THSD7B: variants seen among roughly 807,000 people sequenced by gnomAD.
THSD7B encodes the protein thrombospondin type 1 domain containing 7B, also known as thrombospondin type-1 domain-containing protein 7B.
In THSD7B, 138 loss-of-function variants were observed where a neutral mutation model predicts 213.6. The observed-to-expected ratio is 0.65, with a 90% CI of 0.56 to 0.74. The LOEUF is 0.74. THSD7B is among the 30% of genes least tolerant of loss of function. The probability of loss-of-function intolerance (pLI) is 0.00; values close to 1 mark genes in which losing one functional copy is unlikely to be tolerated. For missense variants in THSD7B, 1,931 were observed against 1,991.5 expected, an observed-to-expected ratio of 0.97 and a Z score of 0.58; for synonymous variants, 742 against 687.0, an observed-to-expected ratio of 1.08 and a Z score of -1.25.
rs752852228 is a variant in THSD7B at position 137,095,074 on chromosome 2, G to T, written c.1152G>T (p.Glu384Asp). The change falls in exon 4 of 28, where the codon GAG becomes GAT. Residue 384 changes from glutamate to aspartate, a missense_variant. Physicochemically the swap from Glu to Asp is conservative, Grantham distance 45. Coordinates refer to ENST00000409968, the MANE Select transcript of THSD7B (RefSeq NM_001316349.2). Reference protein sequence around the residue: ...GGGKECPELLEKEACIVEGEL... With the variant: ...GGGKECPELLDKEACIVEGEL... ...GAAAGGAGTGTCCTGAACTTCTTGA[G>T]AAAGAGGCCTGCATTGTTGAAGGAG... 1.2e-6 allele frequency: 2 copies of T among 1,613,870 alleles called. No individual in the cohort carries two copies. The highest frequency in any genetic ancestry group is 3.3e-5 in the Admixed American group (2 of 59,952).
chr2:137,326,886 G>A (rs986589031), intron 12 of THSD7B, among the ~76,000 whole-genome samples: 5 of 152,192 alleles, frequency 3.3e-5, no homozygotes, highest in Admixed American at 1.3e-4. Flanking sequence ...TGCAGTTGCA[G>A]TTTCAAACAC....
rs550340001 is a variant in THSD7B, at chr2:137,214,829, A to G, written c.1724-16215A>G. On this transcript the variant is annotated intron_variant, in intron 7 of 27. Transcript: ENST00000409968. ...GTGCCACATTTTCTTTATCCAGTCT[A>G]TCGCTGATGGGCATTTGGGTTGGTT... 3.3e-5 allele frequency among the ~76,000 whole-genome samples: 5 copies of G among 152,224 alleles called. No homozygotes were observed. The East Asian group carries it at 7.7e-4, about 24-fold the overall frequency.
chr2:137,522,293 GAC>G (rs1218142043), intron 15 of THSD7B, among the ~76,000 whole-genome samples: 1 of 152,156 alleles, frequency 6.6e-6, no homozygotes, highest in Non-Finnish European at 1.5e-5. Flanking sequence ...AGCTGTAAAA[GAC>G]AAGTTTAATT....
chr2:137,211,923 C>T (rs545520632), intron 7 of THSD7B, among the ~76,000 whole-genome samples: 1 of 151,942 alleles, frequency 6.6e-6, no homozygotes, highest in South Asian at 2.1e-4. Flanking sequence ...GAATCTGTAC[C>T]AGATATATCT....
intron 27 of THSD7B, among the ~76,000 whole-genome samples, chr2:137,674,193 A>G (rs1683644525): frequency 6.6e-6 from 1 of 152,084 alleles, no homozygotes; most frequent in Non-Finnish European, 1.5e-5. Flanking sequence ...GGATTGTCTA[A>G]TTTCTCCTTG....
chr2:136,942,774 T>G (rs1291109198), intron 2 of THSD7B, among the ~76,000 whole-genome samples: 11 of 152,218 alleles, frequency 7.2e-5, no homozygotes, highest in Non-Finnish European at 1.5e-4. Context: ...GTTTTCTAAA[T>G]GTACAATCAT....
chr2:137,057,628 C>G (rs1573794135), intron 3 of THSD7B, among the ~76,000 whole-genome samples: 1 of 152,086 alleles, frequency 6.6e-6, no homozygotes. Context: ...TTTTGTTTTT[C>G]AGAACATTTG....
chr2:136,886,664 C>T (rs1269104927), intron 2 of THSD7B, among the ~76,000 whole-genome samples: 1 of 152,080 alleles, frequency 6.6e-6, no homozygotes, highest in African/African-American at 2.4e-5. Flanking sequence ...CTCAACAGTG[C>T]CCAGGTTGAG....
intron 9 of THSD7B, among the ~76,000 whole-genome samples, chr2:137,234,179 C>G (rs1220997492): frequency 6.6e-6 from 1 of 152,228 alleles, no homozygotes; most frequent in Admixed American, 6.5e-5. Context: ...GCAGTTGGAA[C>G]AAATCCTGGC....
At chr2:137,632,797 G>C (rs1007516169) in intron 20 of THSD7B, among the ~76,000 whole-genome samples, 1 of 152,134 alleles carries the variant, frequency 6.6e-6, no homozygotes, top group Non-Finnish European at 1.5e-5. Flanking sequence ...TTTTAAAGTG[G>C]TGGTCTTGTT....
chr2:137,599,445 C>G (rs1334119275), intron 17 of THSD7B, among the ~76,000 whole-genome samples: 1 of 151,828 alleles, frequency 6.6e-6, no homozygotes, highest in Non-Finnish European at 1.5e-5. Context: ...GATATCATCT[C>G]ACACCAGTTA....
intron 3 of THSD7B, among the ~76,000 whole-genome samples, chr2:137,065,990 C>T (rs1013831759): frequency 6.6e-6 from 1 of 151,754 alleles, no homozygotes; most frequent in South Asian, 2.1e-4. Context: ...TTCCTTAATT[C>T]CTTCTCCAAT....
intron 17 of THSD7B, among the ~76,000 whole-genome samples, chr2:137,615,946 T>C (rs1176373007): frequency 2.0e-5 from 3 of 152,070 alleles, no homozygotes; most frequent in African/African-American, 4.8e-5. Context: ...ATACGGGAGA[T>C]AGAAATGTAG....
At chr2:137,646,487 C>A (rs80082512) in intron 21 of THSD7B, among the ~76,000 whole-genome samples, 511 of 93,414 alleles carry the variant, frequency 5.5e-3, no homozygotes, top group East Asian at 6.7e-3. Flanking sequence ...ACTACAAATA[C>A]AAAAAAAAAA....
intron 14 of THSD7B, among the ~76,000 whole-genome samples, chr2:137,421,076 A>G (rs1686914358): frequency 6.6e-6 from 1 of 151,984 alleles, no homozygotes; most frequent in Admixed American, 6.6e-5. Flanking sequence ...CGACTACCTG[A>G]CCTGTGTGGA....
chr2:137,180,608 T>C (rs1022279266), intron 7 of THSD7B, among the ~76,000 whole-genome samples: 3 of 152,124 alleles, frequency 2.0e-5, no homozygotes, highest in African/African-American at 7.2e-5. Flanking sequence ...AATTGGGAAC[T>C]ATTGTTATTT....
intron 3 of THSD7B, among the ~76,000 whole-genome samples, chr2:137,072,214 C>T (rs939741816): frequency 5.9e-5 from 9 of 152,214 alleles, no homozygotes; most frequent in Admixed American, 4.6e-4. Context: ...GCCATTTTCA[C>T]GATATTGATT....
rs1186326870 is a variant in THSD7B at position 136,975,110 on chromosome 2, T to G, written c.140-81310T>G. Among the ~76,000 whole-genome samples the G allele has an allele frequency of 2.0e-5, 3 of 151,874 alleles. No individual in the cohort carries two copies. In the East Asian group the frequency reaches 5.8e-4, roughly 29 times the overall value. On this transcript the variant is annotated intron_variant, in intron 2 of 27. Transcript: ENST00000409968. Reference sequence around the variant, plus strand: ...CTCTGGATATTAGACCTTTGTCAGATGGATAAATTGCAAAATTTTTCTCCC... The same window carrying G: ...CTCTGGATATTAGACCTTTGTCAGAGGGATAAATTGCAAAATTTTTCTCCC...
intron 2 of THSD7B, among the ~76,000 whole-genome samples, chr2:136,948,216 C>T (rs1392360044): frequency 6.6e-6 from 1 of 152,104 alleles, no homozygotes; most frequent in Non-Finnish European, 1.5e-5. Context: ...CATTGACTTT[C>T]TTGAAAATTT....
Sources: allele counts gnomAD v4.1 joint callset (sites outside exome capture counted in the v4.1 genomes callset), GRCh38; gene constraint gnomAD v4.1.1; transcripts MANE v1.5; gene names NCBI Gene and HGNC (gene_info 2026-07-23, HGNC 2026-07-21).